Variants in SPOCK1 observed in about 807,000 individuals in gnomAD.
The protein encoded by SPOCK1 is testican-1.
SPOCK1 carries 23 observed loss-of-function variants against 55.3 expected under a neutral mutation model. The ratio of observed to expected loss-of-function variants is 0.42; its 90% CI spans 0.30 to 0.59. The LOEUF (loss-of-function observed/expected upper bound fraction) is 0.59. Ranked by LOEUF, SPOCK1 falls within the 20% of genes least tolerant of loss-of-function variation. SPOCK1 has a pLI of 0.22. For missense variants in SPOCK1, 499 were observed against 552.5 expected, an observed-to-expected ratio of 0.90 and a Z score of 0.97; for synonymous variants, 226 against 221.0, an observed-to-expected ratio of 1.02 and a Z score of -0.20.
intron 2 of SPOCK1, among the ~76,000 whole-genome samples, chr5:137,377,466 C>T (rs1751343779): frequency 6.6e-6 from 1 of 152,190 alleles, no homozygotes; most frequent in South Asian, 2.1e-4. Context: ...ACACCTGATA[C>T]TGGGCTTCTT....
chr5:137,046,339 T>G (rs1010202761), intron 6 of SPOCK1, among the ~76,000 whole-genome samples: 60 of 144,260 alleles, frequency 4.2e-4, no homozygotes, highest in Non-Finnish European at 7.7e-4. Flanking sequence ...GGTTTGTAGT[T>G]CTCCTTGAAG....
intron 2 of SPOCK1, among the ~76,000 whole-genome samples, chr5:137,409,729 T>C (rs1019479128): frequency 6.6e-6 from 1 of 152,196 alleles, no homozygotes; most frequent in Non-Finnish European, 1.5e-5. Flanking sequence ...AAAGTTAATT[T>C]TGTTTTTTGG....
intron 3 of SPOCK1, among the ~76,000 whole-genome samples, chr5:137,261,508 GGGTGA>G (rs1363961218): frequency 6.6e-6 from 1 of 152,186 alleles, no homozygotes; most frequent in Non-Finnish European, 1.5e-5. Context: ...GGAAGTCAAA[GGGTGA>G]GGTCTTTCTT....
intron 2 of SPOCK1, among the ~76,000 whole-genome samples, chr5:137,352,420 C>A (rs369950651): frequency 9.8e-5 from 15 of 152,330 alleles, no homozygotes; most frequent in African/African-American, 3.6e-4. Context: ...GGTTATAACG[C>A]GGTGACTGCT....
At chr5:137,087,825 C>T (rs1752985050) in intron 5 of SPOCK1, among the ~76,000 whole-genome samples, 1 of 151,564 alleles carries the variant, frequency 6.6e-6, no homozygotes, top group Non-Finnish European at 1.5e-5. Flanking sequence ...GGTCAGGAAG[C>T]AGGGAGGAAG....
At chr5:136,996,781 T>C (rs967544694) in intron 6 of SPOCK1, among the ~76,000 whole-genome samples, 2 of 151,768 alleles carry the variant, frequency 1.3e-5, no homozygotes, top group African/African-American at 2.4e-5. Context: ...ACAGGGAGGA[T>C]TGAAAAAAGG....
intron 2 of SPOCK1, among the ~76,000 whole-genome samples, chr5:137,329,522 T>A (rs1758134032): frequency 6.6e-6 from 1 of 152,026 alleles, no homozygotes. Flanking sequence ...TTTTTATGGG[T>A]CATTTGGACA....
chr5:137,428,434 C>A (rs1310096108), intron 2 of SPOCK1, among the ~76,000 whole-genome samples: 2 of 152,148 alleles, frequency 1.3e-5, no homozygotes, highest in African/African-American at 4.8e-5. Context: ...CAGTCCCCAA[C>A]CTGTCCTTCA....
At chr5:137,400,408 C>T (rs1751949774) in intron 2 of SPOCK1, among the ~76,000 whole-genome samples, 1 of 152,180 alleles carries the variant, frequency 6.6e-6, no homozygotes, top group Non-Finnish European at 1.5e-5. Flanking sequence ...GGAACATCCA[C>T]AGGTAGATAG....
At chr5:137,035,467 G>A (rs572745756) in intron 6 of SPOCK1, among the ~76,000 whole-genome samples, 16 of 152,330 alleles carry the variant, frequency 1.1e-4, no homozygotes, top group South Asian at 2.1e-4. Flanking sequence ...AAAGAAGGAC[G>A]GCAAAGCTGG....
chr5:137,268,076 G>A lies in SPOCK1; in HGVS notation c.187-1021C>T, dbSNP rs193267234. 1.9e-3 allele frequency among the ~76,000 whole-genome samples: 290 copies of A among 152,314 alleles called. 2 individuals carry two copies. The highest frequency in any genetic ancestry group is 4.6e-3 in the Admixed American group (71 of 15,302). On this transcript the variant is annotated intron_variant, in intron 2 of 10. Coordinates refer to ENST00000394945, the MANE Select transcript of SPOCK1 (RefSeq NM_004598.4). Reference sequence around the variant, plus strand: ...TAATTTACATCAAAGCGCACAATTAGTTTAAATTATTGTCCATGCTGTGTT... The same window carrying A: ...TAATTTACATCAAAGCGCACAATTAATTTAAATTATTGTCCATGCTGTGTT...
At chr5:137,207,199 G>A (rs527619918) in intron 3 of SPOCK1, among the ~76,000 whole-genome samples, 168 of 152,202 alleles carry the variant, frequency 1.1e-3, no homozygotes, top group African/African-American at 2.5e-3. Flanking sequence ...TTCCTTCCAC[G>A]CCTGTCACCA....
intron 2 of SPOCK1, among the ~76,000 whole-genome samples, chr5:137,323,839 G>A (rs963714015): frequency 3.3e-5 from 5 of 152,174 alleles, no homozygotes; most frequent in Non-Finnish European, 7.3e-5. Flanking sequence ...GTGTCGGCAA[G>A]GGTGTGGGGC....
intron 3 of SPOCK1, among the ~76,000 whole-genome samples, chr5:137,156,658 G>C (rs1294399136): frequency 6.6e-6 from 1 of 152,152 alleles, no homozygotes; most frequent in Non-Finnish European, 1.5e-5. Context: ...GCCTGTGAAA[G>C]GTATCTGGTA....
At chr5:137,213,281 G>C (rs1755652186) in intron 3 of SPOCK1, among the ~76,000 whole-genome samples, 1 of 152,074 alleles carries the variant, frequency 6.6e-6, no homozygotes, top group Admixed American at 6.5e-5. Context: ...GCTTAGAGAG[G>C]ATAAGCAACT....
intron 2 of SPOCK1, among the ~76,000 whole-genome samples, chr5:137,351,708 G>A (rs1750684947): frequency 6.6e-6 from 1 of 152,150 alleles, no homozygotes; most frequent in Non-Finnish European, 1.5e-5. Flanking sequence ...ACAATCATAT[G>A]GTAACTAAAC....
rs61576266 is a variant in SPOCK1, at chr5:137,259,688, T to TAAA, written c.232+7319_232+7321dup. On this transcript the variant is annotated intron_variant, in intron 3 of 10. Coordinates refer to ENST00000394945, the MANE Select transcript of SPOCK1 (RefSeq NM_004598.4). ...GATGAAAAGTAAAGACACATGAAAG[T>TAAA]AAAAAAAAAAAAAAAAGAAAACAAA... 1.5e-3 allele frequency among the ~76,000 whole-genome samples: 190 copies of TAAA among 130,220 alleles called. 4 individuals carry two copies. Among genetic ancestry groups the TAAA allele is most frequent in the Middle Eastern group, 0.012 (3 of 244 alleles). The allele number at this position is 130,220 out of a possible 152,430, so 85.4% of individuals were successfully genotyped here. A position where few individuals can be genotyped will look rare whatever the true frequency, so the allele number is the denominator to read the frequency against.
chr5:137,374,697 C>A (rs1205089836), intron 2 of SPOCK1, among the ~76,000 whole-genome samples: 4 of 152,188 alleles, frequency 2.6e-5, no homozygotes, highest in Non-Finnish European at 4.4e-5. Flanking sequence ...ATTTATGACA[C>A]CCTTGCTGAG....
At chr5:137,056,926 A>G (rs1752312641) in intron 6 of SPOCK1, among the ~76,000 whole-genome samples, 1 of 152,094 alleles carries the variant, frequency 6.6e-6, no homozygotes. Context: ...AGATCCTTCT[A>G]CATGGTAAAA....
Sources: gnomAD v4.1 joint callset for allele counts (sites outside exome capture counted in the v4.1 genomes callset) on GRCh38, gnomAD v4.1.1 for gene constraint, MANE v1.5 for transcripts, NCBI Gene and HGNC (gene_info 2026-07-23, HGNC 2026-07-21) for gene names.